Variants in FAM83H observed in about 807,000 individuals in gnomAD.
FAM83H encodes the protein protein FAM83H.
FAM83H carries 24 observed loss-of-function variants against 30.2 expected under a neutral mutation model. The observed-to-expected ratio is 0.79, with a 90% CI of 0.57 to 1.12. FAM83H has a LOEUF of 1.12. FAM83H is among the 50% of genes most tolerant of loss of function. The pLI is 0.00. For synonymous variants in FAM83H, 1,013 were observed against 821.7 expected (o/e 1.23, Z -3.98); for missense variants, 2,038 against 1,773.9 (o/e 1.15, Z -2.67).
Position 143,725,739 on chromosome 8 carries a change from A to T in FAM83H, c.*182T>A. On this transcript the variant is annotated 3_prime_UTR_variant, in exon 5 of 5. Coordinates refer to ENST00000388913, the MANE Select transcript of FAM83H (RefSeq NM_198488.5). ...GCGTTGGGGAGGCCAGGGGGCAGAG[A>T]CGGCAGCTGCCAGGTGAGCCTCCAG... 5 of 1,050,174 alleles carry T rather than the reference A, an allele frequency of 4.8e-6. No homozygotes were observed. In the South Asian group the frequency reaches 6.5e-5, roughly 14 times the overall value. The allele number at this position is 1,050,174 out of a possible 1,614,324, so 65.1% of individuals were successfully genotyped here. A position where few individuals can be genotyped will look rare whatever the true frequency, so the allele number is the denominator to read the frequency against.
rs782651375 is a variant in FAM83H at position 143,728,728 on chromosome 8, G to T, written c.738-5C>A. ...TTCTCAAAGGACCACATGAAGCTGT[G>T]GGGGGGTCAGGGCCAGAGTCAAACC... On this transcript the variant is annotated splice_region_variant and splice_polypyrimidine_tract_variant and intron_variant, in intron 4 of 4. Coordinates refer to ENST00000388913, the MANE Select transcript of FAM83H (RefSeq NM_198488.5). 1.1e-5 allele frequency: 17 copies of T among 1,598,462 alleles called. No homozygotes were observed. In the Middle Eastern group the frequency reaches 9.9e-4, roughly 93 times the overall value.
At chr8:143,729,395 C>T (rs1461113065) in intron 2 of FAM83H, 72 bp from the exon 3 acceptor site, 2 of 1,543,094 alleles carry the variant, frequency 1.3e-6, no homozygotes. Context: ...CTCCCCTCCA[C>T]ACCCGGGAGG....
At position 143,729,144 on chromosome 8, in the gene FAM83H, C is replaced by G; in HGVS notation, c.612+15G>C. ...CCCACGGGTCCTCCCCAATCTCCCA[C>G]TCCCGGGAACTCACATCCACGTGCT... On this transcript the variant is annotated intron_variant, in intron 3 of 4. Coordinates refer to ENST00000388913, the MANE Select transcript of FAM83H (RefSeq NM_198488.5). The G allele has an allele frequency of 6.2e-7, 1 of 1,613,690 alleles. No homozygotes were observed. The highest frequency in any genetic ancestry group is 1.1e-5 in the South Asian group (1 of 91,086).
chr8:143,726,575 C>T lies in FAM83H; in HGVS notation c.2886G>A (p.Leu962=). Residue 962 remains leucine (L), a synonymous_variant, in exon 5 of 5, where the codon CTG becomes CTA. Coordinates refer to ENST00000388913, the MANE Select transcript of FAM83H (RefSeq NM_198488.5). ...GCCTAAGACGCAAGGAGCCTTTGCG[C>T]AGGACTTCCATGGGGCCGCTCGGCC... The part of the protein sequence containing the change: ...EEGPSGPMEV[L]RKGSLRLRQL... The T allele has an allele frequency of 6.2e-7, 1 of 1,603,306 alleles. No individual in the cohort carries two copies. Among genetic ancestry groups the T allele is most frequent in the South Asian group, 1.1e-5 (1 of 90,828 alleles).
rs782575128 is a variant in FAM83H at position 143,730,158 on chromosome 8, C to A, written c.425G>T (p.Arg142Met). ...CACCTGCTGGGCGGAACGGATCATC[C>A]TGCGGGCCTCATCCTTGATACTGGG... Reference protein sequence around the residue: ...DSPSIKDEARRMIRSAQQVVA... With the variant: ...DSPSIKDEARMMIRSAQQVVA... The change falls in exon 2 of 5, where the codon AGG becomes ATG. Residue 142 changes from arginine (R) to methionine (M), a missense_variant. Physicochemically the swap from Arg to Met is moderately conservative, Grantham distance 91 (BLOSUM62 -1). Transcript: ENST00000388913. The A allele has an allele frequency of 6.3e-7, 1 of 1,593,070 alleles. No homozygotes were observed. Among genetic ancestry groups the A allele is most frequent in the Non-Finnish European group, 8.6e-7 (1 of 1,167,194 alleles).
chr8:143,725,575 T>G lies in FAM83H; in HGVS notation c.*346A>C. On this transcript the variant is annotated 3_prime_UTR_variant, in exon 5 of 5. Coordinates refer to ENST00000388913, the MANE Select transcript of FAM83H (RefSeq NM_198488.5). ...CGCTCAACTGCACTCCAGCCCTAGG[T>G]CTCAAAAAAATAAAGGGGGCGGGGG... 1 of 407,460 alleles carries G rather than the reference T, an allele frequency of 2.5e-6. No homozygotes were observed. The highest frequency in any genetic ancestry group is 4.5e-6 in the Non-Finnish European group (1 of 222,194). The allele number at this position is 407,460 out of a possible 1,614,324, so 25.2% of individuals were successfully genotyped here.
At chr8:143,729,121 C>T in intron 3 of FAM83H, 30 bp from the exon 4 acceptor site, 2 of 1,613,594 alleles carry the variant, frequency 1.2e-6, no homozygotes, top group South Asian at 1.1e-5. Flanking sequence ...AGATCTCTCC[C>T]ACGGGTCCTC....
rs928984188 is a variant in FAM83H, at chr8:143,726,689, G to C, written c.2772C>G (p.Ser924Arg). The change falls in exon 5 of 5, where the codon AGC becomes AGG. Residue 924 changes from serine to arginine, a missense_variant. Ser to Arg is a moderately radical substitution (Grantham distance 110, BLOSUM62 -1). Coordinates refer to ENST00000388913, the MANE Select transcript of FAM83H (RefSeq NM_198488.5). Reference sequence around the variant, plus strand: ...GCTCCGGCACGGGGGGCACCGGACTGCTCCTGCGCTCCGGCACGGGGGGCA... The same window carrying C: ...GCTCCGGCACGGGGGGCACCGGACTCCTCCTGCGCTCCGGCACGGGGGGCA... ...SPVPPVPERR[S>R]SPVPPVPERR... is the part of the protein sequence containing the mutation. 5.0e-6 allele frequency: 8 copies of C among 1,600,060 alleles called. No individual in the cohort carries two copies. Among genetic ancestry groups the C allele is most frequent in the Non-Finnish European group, 6.8e-6 (8 of 1,176,526 alleles).
In FAM83H at chr8:143,729,238, T is replaced by C; in HGVS notation, c.533A>G (p.Tyr178Cys). ...CGCGTTCATCTCATCCAGCAGGATG[T>C]AGACTGGGACCCGACGGGCCGCGGC... ...LEAAARRVPVYILLDEMNAQH... is the reference protein window; with the variant it reads ...LEAAARRVPVCILLDEMNAQH... Residue 178 changes from tyrosine to cysteine, a missense_variant, in exon 3 of 5, where the codon TAC becomes TGC. Transcript: ENST00000388913. 1 of 1,613,292 alleles carries C rather than the reference T, an allele frequency of 6.2e-7. No homozygotes were observed. Among genetic ancestry groups the C allele is most frequent in the East Asian group, 2.2e-5 (1 of 44,848 alleles).
rs1176859903 is a variant in FAM83H, at chr8:143,727,179, C to G, written c.2282G>C (p.Ser761Thr). Residue 761 changes from serine (S) to threonine (T), a missense_variant, in exon 5 of 5, where the codon AGC (serine) becomes ACC (threonine). Physicochemically the swap from Ser to Thr is moderately conservative, Grantham distance 58. Transcript: ENST00000388913. ...GAGAITVASH[S>T]KAVVSQAWRE... ...CCACGCCTGGGACACGACGGCCTTGCTGTGGCTGGCAACGGTGATGGCGCC... is the reference window on the plus strand; with the variant it reads ...CCACGCCTGGGACACGACGGCCTTGGTGTGGCTGGCAACGGTGATGGCGCC... 5 of 1,533,866 alleles carry G rather than the reference C, an allele frequency of 3.3e-6. No homozygotes were observed. Among genetic ancestry groups the G allele is most frequent in the Non-Finnish European group, 4.4e-6 (5 of 1,145,668 alleles).
At position 143,728,005 on chromosome 8, in the gene FAM83H, G is replaced by A; in HGVS notation, c.1456C>T (p.Pro486Ser). 2 of 1,596,404 alleles carry A rather than the reference G, an allele frequency of 1.3e-6. No homozygotes were observed. The highest frequency in any genetic ancestry group is 8.5e-7 in the Non-Finnish European group (1 of 1,177,152). ...CCGGCGCCCAGGGTGAAGTCATCCG[G>A]GTCCGCGAAACCCGCGCGGCCCCCG... ...LRGGRAGFAD[P>S]DDFTLGAGPR... Residue 486 changes from proline to serine, a missense_variant, in exon 5 of 5, where the codon CCG becomes TCG. By Grantham distance (74) the Pro-to-Ser change is moderately conservative (BLOSUM62 -1). Transcript: ENST00000388913.
rs1554622519 is a variant in FAM83H at position 143,727,352 on chromosome 8, A to C, written c.2109T>G (p.Thr703=). ...AEGAAGAAAA[T]EKVQLLHKEQ... The stretch of plus-strand genomic sequence containing the variant: ...CCTTGTGCAGCAGCTGCACCTTCTC[A>C]GTGGCCGCCGCAGCCCCGGCCGCGC... Residue 703 remains threonine (T), a synonymous_variant, in exon 5 of 5, where the codon ACT becomes ACG. Transcript: ENST00000388913. 8.3e-6 allele frequency: 13 copies of C among 1,567,526 alleles called. No individual in the cohort carries two copies. The highest frequency in any genetic ancestry group is 1.1e-5 in the Non-Finnish European group (13 of 1,164,892).
intron 2 of FAM83H, among the ~76,000 whole-genome samples, 175 bp downstream of exon 2, chr8:143,729,961 G>A (rs1005762783): frequency 3.3e-5 from 5 of 152,150 alleles, no homozygotes; most frequent in Admixed American, 1.3e-4. Context: ...CCTGTGCAGA[G>A]CCTGCAGCCC....
chr8:143,728,195 G>T lies in FAM83H; in HGVS notation c.1266C>A (p.Asn422Lys). The T allele has an allele frequency of 1.9e-6, 3 of 1,603,558 alleles. No individual in the cohort carries two copies. Among genetic ancestry groups the T allele is most frequent in the Non-Finnish European group, 2.5e-6 (3 of 1,178,088 alleles). ...GCGACACCTGCCGCGCGGCCGCGAA[G>T]TTCTCCACGGCGCCCGCGCCCTCGG... The part of the protein sequence containing the change: ...FATEGAGAVE[N>K]FAAARQVSRQ... The change falls in exon 5 of 5, where the codon AAC (asparagine) becomes AAA (lysine). Residue 422 changes from asparagine (N) to lysine (K), a missense_variant. Coordinates refer to ENST00000388913, the MANE Select transcript of FAM83H (RefSeq NM_198488.5).
chr8:143,732,523 C>T, intron 1 of FAM83H: 1 of 985,382 alleles, frequency 1.0e-6, no homozygotes, highest in Non-Finnish European at 1.2e-6. Flanking sequence ...GAAAGGACCC[C>T]CACTGTCCCT....
chr8:143,725,614 A>G lies in FAM83H; in HGVS notation c.*307T>C, dbSNP rs1489437061. The G allele has an allele frequency of 1.1e-5, 6 of 525,982 alleles. No individual in the cohort carries two copies. The highest frequency in any genetic ancestry group is 1.7e-5 in the Non-Finnish European group (5 of 292,898). 32.6% of individuals were successfully genotyped at this position (525,982 alleles called of 1,614,324 possible). A position where few individuals can be genotyped will look rare whatever the true frequency, so the allele number is the denominator to read the frequency against. On this transcript the variant is annotated 3_prime_UTR_variant, in exon 5 of 5. Coordinates refer to ENST00000388913, the MANE Select transcript of FAM83H (RefSeq NM_198488.5). ...AGGGGGCGGGGGGGACTGAGGCACA[A>G]AGAGATGGCGGAGCCAGACGCTGCG...
In FAM83H at chr8:143,726,116, C is replaced by T; in HGVS notation, c.3345G>A (p.Glu1115=). ...LSRTLPASAE[E]RDRLLRRMES... Reference sequence around the variant, plus strand: ...CCATGCGGCGCAGCAGCCGATCGCGCTCCTCCGCGCTGGCTGGCAGCGTGC... The same window carrying T: ...CCATGCGGCGCAGCAGCCGATCGCGTTCCTCCGCGCTGGCTGGCAGCGTGC... Residue 1115 remains glutamate (E), a synonymous_variant, in exon 5 of 5, where the codon GAG becomes GAA. Transcript: ENST00000388913. The T allele has an allele frequency of 6.2e-7, 1 of 1,611,322 alleles. No individual in the cohort carries two copies. Among genetic ancestry groups the T allele is most frequent in the Non-Finnish European group, 8.5e-7 (1 of 1,179,204 alleles).
chr8:143,732,741 C>G (rs1011951436), intron 1 of FAM83H: 1 of 985,238 alleles, frequency 1.0e-6, no homozygotes, highest in African/African-American at 1.7e-5. Context: ...CAGCCACTCC[C>G]GAGCCCAAGA....
rs1554620940 is a variant in FAM83H at position 143,724,579 on chromosome 8, G to A, written c.*1342C>T. ...CAAAGAGGAAAGGACCTGAGAATGGGGCTGGTGGGGAGAGGGGGGTGTCTG... is the reference window on the plus strand; with the variant it reads ...CAAAGAGGAAAGGACCTGAGAATGGAGCTGGTGGGGAGAGGGGGGTGTCTG... On this transcript the variant is annotated 3_prime_UTR_variant, in exon 5 of 5. Transcript: ENST00000388913. The A allele has an allele frequency of 6.6e-6, 1 of 152,190 alleles. No homozygotes were observed. The highest frequency in any genetic ancestry group is 2.4e-5 in the African/African-American group (1 of 41,412). 9.4% of individuals were successfully genotyped at this position (152,190 alleles called of 1,614,324 possible).
Sources: gnomAD v4.1 joint callset for allele counts (sites outside exome capture counted in the v4.1 genomes callset) on GRCh38, gnomAD v4.1.1 for gene constraint, MANE v1.5 for transcripts, NCBI Gene and HGNC (gene_info 2026-07-23, HGNC 2026-07-21) for gene names.